UBL3: variants seen among roughly 807,000 people sequenced by gnomAD.
UBL3 encodes the protein ubiquitin-like protein 3.
UBL3 carries 6 observed loss-of-function variants against 18.4 expected under a neutral mutation model. The ratio of observed to expected loss-of-function variants is 0.33; its 90% CI spans 0.18 to 0.64. The LOEUF is 0.64. Ranked by LOEUF, UBL3 falls within the 30% of genes least tolerant of loss-of-function variation. UBL3 has a pLI of 0.76. For synonymous variants in UBL3, 49 were observed against 46.6 expected (o/e 1.05, Z -0.21); for missense variants, 109 against 142.9 (o/e 0.76, Z 1.21).
At chr13:29,786,383 C>T (rs1239398459) in intron 1 of UBL3, among the ~76,000 whole-genome samples, 2 of 152,220 alleles carry the variant, frequency 1.3e-5, no homozygotes, top group East Asian at 3.9e-4. Context: ...ACTCCTCACC[C>T]TCTACCCCGA....
In UBL3 at chr13:29,850,314, T is replaced by C. The variant is rs903565206; in HGVS notation, c.-776A>G. 6.5e-6 allele frequency: 1 copy of C among 152,988 alleles called. No homozygotes were observed. The highest frequency in any genetic ancestry group is 6.6e-5 in the Admixed American group (1 of 15,256). 9.5% of individuals were successfully genotyped at this position (152,988 alleles called of 1,614,324 possible). On this transcript the variant is annotated 5_prime_UTR_variant, in exon 1 of 5. It removes an upstream start codon present in the reference 5' UTR. Transcript: ENST00000380680. Reference sequence around the variant, plus strand: ...GGACAGCAGCTGGGGTCGGGGCGCATCGTCTCCGGCTCCTCGCCACTCCTC... The same window carrying C: ...GGACAGCAGCTGGGGTCGGGGCGCACCGTCTCCGGCTCCTCGCCACTCCTC...
chr13:29,777,030 G>C, intron 2 of UBL3, 125 bp downstream of exon 2: 1 of 651,470 alleles, frequency 1.5e-6, no homozygotes, highest in Non-Finnish European at 2.4e-6. Flanking sequence ...CTCTAAATCT[G>C]AGCCTTATAC....
chr13:29,793,133 T>C (rs770972163), intron 1 of UBL3, among the ~76,000 whole-genome samples: 19 of 151,982 alleles, frequency 1.3e-4, no homozygotes, highest in Non-Finnish European at 1.9e-4. Context: ...AAGAGAACTA[T>C]AGAATAGTAA....
Position 29,809,713 on chromosome 13 carries a change from G to C in UBL3, c.28-32450C>G, listed in dbSNP as rs1877990027. 2.0e-5 allele frequency among the ~76,000 whole-genome samples: 3 copies of C among 152,200 alleles called. 1 individual carries two copies. In the East Asian group the frequency reaches 5.8e-4, roughly 29 times the overall value. ...AGAAGATATGTTTCCACTAAATATA[G>C]AGTCATCTCTAGGCATTAGTGGGGT... On this transcript the variant is annotated intron_variant, in intron 1 of 4. Coordinates refer to ENST00000380680, the MANE Select transcript of UBL3 (RefSeq NM_007106.4).
chr13:29,783,134 T>A (rs532205401), intron 1 of UBL3, among the ~76,000 whole-genome samples: 18 of 152,362 alleles, frequency 1.2e-4, no homozygotes, highest in Middle Eastern at 6.8e-3. Context: ...TGTTTCTTGG[T>A]AGTGCTGTGG....
At chr13:29,841,530 A>T (rs1879098304) in intron 1 of UBL3, among the ~76,000 whole-genome samples, 1 of 152,160 alleles carries the variant, frequency 6.6e-6, no homozygotes, top group Admixed American at 6.5e-5. Flanking sequence ...AATCATTCCA[A>T]TCCAGATGTT....
chr13:29,824,874 A>G lies in UBL3; in HGVS notation c.27+24638T>C, dbSNP rs189169950. ...TTAAATCTTTAATCCATCTTGAATT[A>G]ATTTTTGTATAAGGTGTAAGGAAGG... On this transcript the variant is annotated intron_variant, in intron 1 of 4. Coordinates refer to ENST00000380680, the MANE Select transcript of UBL3 (RefSeq NM_007106.4). Among the ~76,000 whole-genome samples the G allele has an allele frequency of 2.3e-3, 349 of 152,250 alleles. 15 individuals carry two copies. In the East Asian group the frequency reaches 0.062, roughly 27 times the overall value.
chr13:29,780,367 A>AAAAAAATAT (rs1359464345), intron 1 of UBL3, among the ~76,000 whole-genome samples: 38 of 103,288 alleles, frequency 3.7e-4, no homozygotes, highest in African/African-American at 1.3e-3. Context: ...AAAAAAAAAA[A>AAAAAAATAT]ATATATATAT....
intron 1 of UBL3, among the ~76,000 whole-genome samples, chr13:29,835,753 C>CAAAAAAA (rs34271187): frequency 2.7e-5 from 1 of 37,006 alleles, no homozygotes; most frequent in Non-Finnish European, 4.8e-5. Context: ...GACGCTGTCT[C>CAAAAAAA]AAAAAAAAAA....
intron 1 of UBL3, among the ~76,000 whole-genome samples, chr13:29,835,753 CAAAAAAAAAAAAA>C (rs34271187): frequency 2.7e-5 from 1 of 37,006 alleles, no homozygotes; most frequent in Non-Finnish European, 4.8e-5. Flanking sequence ...GACGCTGTCT[CAAAAAAAAAAAAA>C]AAAAAAAAAA....
At chr13:29,802,262 TA>T (rs1024806845) in intron 1 of UBL3, among the ~76,000 whole-genome samples, 1 of 152,054 alleles carries the variant, frequency 6.6e-6, no homozygotes, top group Non-Finnish European at 1.5e-5. Flanking sequence ...CCTGCACAAA[TA>T]AAAGGACAAG....
intron 1 of UBL3, among the ~76,000 whole-genome samples, chr13:29,807,444 G>C (rs1877924064): frequency 6.6e-6 from 1 of 152,154 alleles, no homozygotes; most frequent in Non-Finnish European, 1.5e-5. Flanking sequence ...AAGTACCTCA[G>C]ACTTCAATTC....
intron 1 of UBL3, among the ~76,000 whole-genome samples, chr13:29,798,441 T>G (rs1046641783): frequency 5.3e-5 from 8 of 152,156 alleles, no homozygotes; most frequent in Non-Finnish European, 8.8e-5. Context: ...AATACCATAA[T>G]TACCATGATC....
Position 29,816,754 on chromosome 13 carries a change from CAAAAAAAAAAAAAAAAA to C in UBL3, c.27+32741_27+32757del, listed in dbSNP as rs57272367. Reference sequence around the variant, plus strand: ...TGGGTGACTGAGCAAGACCCTGTCTCAAAAAAAAAAAAAAAAAAAAAAAAAAAAGGAACAATGTTGAA... The same window carrying C: ...TGGGTGACTGAGCAAGACCCTGTCTCAAAAAAAAAAAGGAACAATGTTGAA... On this transcript the variant is annotated intron_variant, in intron 1 of 4. Coordinates refer to ENST00000380680, the MANE Select transcript of UBL3 (RefSeq NM_007106.4). Among the ~76,000 whole-genome samples the C allele has an allele frequency of 3.8e-4, 16 of 42,632 alleles. No homozygotes were observed. In the Admixed American group the frequency reaches 4.2e-3, roughly 11 times the overall value. The allele number at this position is 42,632 out of a possible 152,430, so 28.0% of individuals were successfully genotyped here. A position where few individuals can be genotyped will look rare whatever the true frequency, so the allele number is the denominator to read the frequency against.
At chr13:29,806,465 C>T (rs1457681741) in intron 1 of UBL3, among the ~76,000 whole-genome samples, 6 of 152,072 alleles carry the variant, frequency 3.9e-5, no homozygotes, top group Non-Finnish European at 8.8e-5. Context: ...AAAATATGCT[C>T]CCCTAAGAAG....
chr13:29,838,765 C>T (rs1179079121), intron 1 of UBL3, among the ~76,000 whole-genome samples: 1 of 151,964 alleles, frequency 6.6e-6, no homozygotes, highest in African/African-American at 2.4e-5. Flanking sequence ...ATACAAATTG[C>T]AAAACTGTAA....
intron 1 of UBL3, among the ~76,000 whole-genome samples, chr13:29,828,374 G>A (rs368395765): frequency 1.2e-4 from 18 of 151,664 alleles, no homozygotes; most frequent in Admixed American, 7.2e-4. Context: ...GGCTTTGTTC[G>A]TTTTTTACTC....
At chr13:29,769,407 C>T (rs773872548) in intron 3 of UBL3, among the ~76,000 whole-genome samples, 9 of 152,010 alleles carry the variant, frequency 5.9e-5, no homozygotes, top group Non-Finnish European at 1.3e-4. Context: ...ATCTAAAATG[C>T]GTTTTCTTCC....
At chr13:29,810,515 A>G (rs1878037832) in intron 1 of UBL3, among the ~76,000 whole-genome samples, 1 of 152,126 alleles carries the variant, frequency 6.6e-6, no homozygotes, top group Non-Finnish European at 1.5e-5. Context: ...AAAAGGCCAG[A>G]TGCTGTACTG....
Sources: gnomAD v4.1 joint callset for allele counts (sites outside exome capture counted in the v4.1 genomes callset) on GRCh38, gnomAD v4.1.1 for gene constraint, MANE v1.5 for transcripts, NCBI Gene and HGNC (gene_info 2026-07-23, HGNC 2026-07-21) for gene names.